The following CBR4 variants were observed in gnomAD, a reference collection of about 807,000 sequenced individuals.
CBR4 encodes the protein 3-oxoacyl-[acyl-carrier-protein] reductase.
In CBR4, 22 loss-of-function variants were observed where a neutral mutation model predicts 21.0. The ratio of observed to expected loss-of-function variants is 1.05; its 90% CI spans 0.75 to 1.50. CBR4 has a LOEUF of 1.50. Among genes scored for constraint, CBR4 ranks in the 40% most tolerant of loss-of-function variants. The probability of loss-of-function intolerance (pLI) is 0.00; values close to 1 mark genes in which losing one functional copy is unlikely to be tolerated. For synonymous variants in CBR4, 100 were observed against 104.4 expected (o/e 0.96, Z 0.26); for missense variants, 302 against 286.3 (o/e 1.05, Z -0.40).
At chr4:168,897,915 G>A (rs1755576754) in intron 2 of CBR4, 1 of 152,590 alleles carries the variant, frequency 6.6e-6, no homozygotes, top group Non-Finnish European at 1.5e-5. Flanking sequence ...AGCTGAGGAG[G>A]CGGCCCTTGC....
intron 4 of CBR4, among the ~76,000 whole-genome samples, chr4:168,995,815 C>A (rs926365479): frequency 2.6e-5 from 4 of 152,058 alleles, no homozygotes; most frequent in African/African-American, 9.7e-5. Flanking sequence ...CAAAAACAAC[C>A]AAGTAAGCTA....
At chr4:168,932,519 T>C (rs900721556) in intron 2 of CBR4, among the ~76,000 whole-genome samples, 3 of 152,068 alleles carry the variant, frequency 2.0e-5, no homozygotes, top group African/African-American at 7.2e-5. Context: ...TTTAATGAAA[T>C]CACAGCAAAA....
At chr4:168,961,184 A>G (rs1390930109) in intron 2 of CBR4, among the ~76,000 whole-genome samples, 1 of 152,228 alleles carries the variant, frequency 6.6e-6, no homozygotes, top group Non-Finnish European at 1.5e-5. Context: ...ACTCTGAGAC[A>G]TAAATCATAT....
At position 168,987,666 on chromosome 4, in the gene CBR4, C is replaced by T. The variant is rs780792194; in HGVS notation, c.*2484G>A. Reference sequence around the variant, plus strand: ...ACAGTGGTTATGATTTCTCAATTTACACATATTCCTTTTGAAAATCTTAGA... The same window carrying T: ...ACAGTGGTTATGATTTCTCAATTTATACATATTCCTTTTGAAAATCTTAGA... On this transcript the variant is annotated 3_prime_UTR_variant, in exon 5 of 5. Coordinates refer to ENST00000306193, the MANE Select transcript of CBR4 (RefSeq NM_032783.5). 1.5e-5 allele frequency: 15 copies of T among 974,044 alleles called. No homozygotes were observed. The highest frequency in any genetic ancestry group is 1.8e-5 in the African/African-American group (1 of 57,108). The allele number at this position is 974,044 out of a possible 1,614,324, so 60.3% of individuals were successfully genotyped here.
At chr4:168,910,254 A>C (rs1207286934) in intron 2 of CBR4, among the ~76,000 whole-genome samples, 1 of 146,282 alleles carries the variant, frequency 6.8e-6, no homozygotes, top group African/African-American at 2.6e-5. Context: ...GAGGGGAGGA[A>C]GAGGCAGGCT....
chr4:168,917,371 G>A (rs890637828), intron 2 of CBR4, among the ~76,000 whole-genome samples: 3 of 152,052 alleles, frequency 2.0e-5, no homozygotes, highest in Non-Finnish European at 4.4e-5. Flanking sequence ...TTTAACCCAA[G>A]GTCCTTGGGT....
In CBR4 at chr4:168,980,341, A is replaced by G. The variant is rs548314916; in HGVS notation, n.169+21730T>C. 2.0e-5 allele frequency among the ~76,000 whole-genome samples: 3 copies of G among 152,308 alleles called. No individual in the cohort carries two copies. The South Asian group carries it at 6.2e-4, about 32-fold the overall frequency. The stretch of plus-strand genomic sequence containing the variant: ...CAAAGGAGCCACAGGGCTGAGCAAG[A>G]GCCTACCTACTGGCCAGTATGCTTA... On this transcript the variant is annotated intron_variant and non_coding_transcript_variant, in intron 2 of 3. Coordinates refer to the CBR4 transcript ENST00000509108.
intron 2 of CBR4, among the ~76,000 whole-genome samples, chr4:168,976,501 G>C (rs568114660): frequency 2.3e-4 from 35 of 152,362 alleles, no homozygotes; most frequent in African/African-American, 8.2e-4. Context: ...AGTTCTTATA[G>C]ATTTGGGATA....
At chr4:168,965,903 G>C (rs1241389357) in intron 2 of CBR4, among the ~76,000 whole-genome samples, 1 of 152,104 alleles carries the variant, frequency 6.6e-6, no homozygotes, top group Non-Finnish European at 1.5e-5. Context: ...AGACAAATGG[G>C]ATCTAATTAA....
intron 2 of CBR4, among the ~76,000 whole-genome samples, chr4:168,948,468 A>G (rs774846353): frequency 1.3e-5 from 2 of 152,140 alleles, no homozygotes; most frequent in Admixed American, 6.5e-5. Flanking sequence ...GGTTTTTCCA[A>G]TGTTATCTTC....
intron 2 of CBR4, 29 bp from the exon 3 acceptor site, chr4:169,006,920 T>C (rs761759423): frequency 6.3e-7 from 1 of 1,577,778 alleles, no homozygotes; most frequent in South Asian, 1.1e-5. Context: ...TATAATAGCA[T>C]ATAATAACAA....
chr4:169,007,519 AG>A, intron 2 of CBR4, 116 bp downstream of exon 2: 4 of 518,956 alleles, frequency 7.7e-6, no homozygotes, highest in Non-Finnish European at 1.2e-5. Context: ...GTTTTAAAAT[AG>A]TTTTTTCTCC....
intron 2 of CBR4, among the ~76,000 whole-genome samples, chr4:168,963,622 C>T (rs936441301): frequency 6.6e-6 from 1 of 151,930 alleles, no homozygotes; most frequent in Admixed American, 6.6e-5. Flanking sequence ...AGGTGCCCAC[C>T]GCCATGCCCA....
At chr4:168,941,042 A>G (rs140325079) in intron 2 of CBR4, among the ~76,000 whole-genome samples, 160 of 152,286 alleles carry the variant, frequency 1.1e-3, no homozygotes, top group African/African-American at 3.5e-3. Context: ...ATGACCATCA[A>G]TGATAGCTGG....
chr4:169,007,847 G>A (rs1731051230), intron 1 of CBR4, 91 bp from the exon 2 acceptor site: 4 of 893,576 alleles, frequency 4.5e-6, no homozygotes, highest in Non-Finnish European at 5.0e-6. Context: ...AAGATGGCAG[G>A]CCTGTGCTAA....
chr4:168,923,825 C>T (rs1416239643), intron 2 of CBR4, among the ~76,000 whole-genome samples: 6 of 152,110 alleles, frequency 3.9e-5, no homozygotes, highest in Non-Finnish European at 8.8e-5. Flanking sequence ...ACATGGCAAA[C>T]GGCAGTGAGG....
intron 2 of CBR4, among the ~76,000 whole-genome samples, chr4:168,929,525 G>A (rs965288330): frequency 1.3e-5 from 2 of 152,106 alleles, no homozygotes; most frequent in Non-Finnish European, 2.9e-5. Context: ...TGCATAACAT[G>A]ACAATCCCCT....
At chr4:168,896,681 T>C in intron 2 of CBR4, 2 of 764,944 alleles carry the variant, frequency 2.6e-6, no homozygotes, top group South Asian at 3.3e-5. Flanking sequence ...CGTGTGTTTC[T>C]ATCTTTTCTG....
chr4:168,967,050 T>C (rs972072410), intron 2 of CBR4, among the ~76,000 whole-genome samples: 1 of 150,790 alleles, frequency 6.6e-6, no homozygotes, highest in Non-Finnish European at 1.5e-5. Flanking sequence ...TAAAGACACA[T>C]GCACACATAT....
Sources: gnomAD v4.1 joint callset for allele counts (sites outside exome capture counted in the v4.1 genomes callset) on GRCh38, gnomAD v4.1.1 for gene constraint, MANE v1.5 for transcripts, NCBI Gene and HGNC (gene_info 2026-07-23, HGNC 2026-07-21) for gene names.